KCNAB1: variants seen among roughly 807,000 people sequenced by gnomAD.
KCNAB1 encodes the protein potassium voltage-gated channel subfamily A regulatory beta subunit 1, also known as voltage-gated potassium channel subunit beta-1.
A neutral mutation model predicts 64.6 loss-of-function variants in KCNAB1; 35 were observed. The observed-to-expected ratio is 0.54, with a 90% confidence interval of 0.41 to 0.72. KCNAB1 has a LOEUF of 0.72. Ranked by LOEUF, KCNAB1 falls within the 30% of genes least tolerant of loss-of-function variation. The pLI is 0.00. For missense variants in KCNAB1, 401 were observed against 512.9 expected (o/e 0.78, Z 2.11); for synonymous variants, 177 against 183.8 (o/e 0.96, Z 0.30).
chr3:156,302,420 G>A (rs1189111233), intron 1 of KCNAB1, among the ~76,000 whole-genome samples: 1 of 152,098 alleles, frequency 6.6e-6, no homozygotes, highest in Non-Finnish European at 1.5e-5. Context: ...ATGGGAGAGG[G>A]GAGAGTTAAA....
At chr3:156,119,599 A>G (rs181406833), upstream of KCNAB1, among the ~76,000 whole-genome samples, 131 of 152,292 alleles carry the variant, frequency 8.6e-4, 1 homozygote, top group Non-Finnish European at 1.7e-3. Context: ...AGGCACTGAG[A>G]TAGTTGATCC....
chr3:156,340,623 C>T (rs997854780), intron 1 of KCNAB1, among the ~76,000 whole-genome samples: 1 of 152,186 alleles, frequency 6.6e-6, no homozygotes, highest in Non-Finnish European at 1.5e-5. Context: ...CCTTCCCTTT[C>T]CAGATGGTCT....
At chr3:156,296,143 T>C (rs554770841) in intron 1 of KCNAB1, among the ~76,000 whole-genome samples, 1 of 152,332 alleles carries the variant, frequency 6.6e-6, no homozygotes, top group South Asian at 2.1e-4. Context: ...CATGATAGAT[T>C]TACACATGAT....
chr3:156,239,026 TAAGAC>T (rs1397856535), intron 1 of KCNAB1, among the ~76,000 whole-genome samples: 1 of 152,182 alleles, frequency 6.6e-6, no homozygotes, highest in Non-Finnish European at 1.5e-5. Flanking sequence ...TACTCAGAGA[TAAGAC>T]AATTGAGAAA....
At chr3:156,322,986 CAAG>C (rs924002629) in intron 1 of KCNAB1, among the ~76,000 whole-genome samples, 1 of 152,132 alleles carries the variant, frequency 6.6e-6, no homozygotes, top group African/African-American at 2.4e-5. Context: ...ACCGATGTGC[CAAG>C]AAGAAGCTCA....
At chr3:156,204,242 A>C (rs549639391) in intron 1 of KCNAB1, among the ~76,000 whole-genome samples, 1 of 152,196 alleles carries the variant, frequency 6.6e-6, no homozygotes, top group African/African-American at 2.4e-5. Context: ...GGAGCCATGC[A>C]CTCCCAGGTG....
chr3:156,344,968 C>T (rs1277816893), intron 1 of KCNAB1, among the ~76,000 whole-genome samples: 1 of 152,188 alleles, frequency 6.6e-6, no homozygotes, highest in Admixed American at 6.6e-5. Context: ...CCTAAGCATT[C>T]TCCTCCCAAA....
intron 7 of KCNAB1, among the ~76,000 whole-genome samples, chr3:156,473,551 A>G (rs1714109342): frequency 6.6e-6 from 1 of 152,144 alleles, no homozygotes. Context: ...TAGACCTCAT[A>G]ACATCTGTCT....
intron 1 of KCNAB1, among the ~76,000 whole-genome samples, chr3:156,225,036 TAGAGAA>T (rs989054243): frequency 4.1e-4 from 63 of 152,096 alleles, no homozygotes; most frequent in Non-Finnish European, 5.0e-4. Context: ...TTCCAAAAGA[TAGAGAA>T]AGAGGAAATC....
intron 1 of KCNAB1, among the ~76,000 whole-genome samples, chr3:156,343,172 G>A (rs1468930661): frequency 1.3e-5 from 2 of 152,158 alleles, no homozygotes; most frequent in Non-Finnish European, 2.9e-5. Flanking sequence ...CAGCTTTGGA[G>A]TATTTTCTTC....
intron 8 of KCNAB1, among the ~76,000 whole-genome samples, chr3:156,495,465 A>T (rs1349535995): frequency 6.6e-6 from 1 of 152,180 alleles, no homozygotes; most frequent in Non-Finnish European, 1.5e-5. Context: ...AAAAGCAAAG[A>T]TGTTGAATCA....
intron 8 of KCNAB1, among the ~76,000 whole-genome samples, chr3:156,475,955 ATCCGG>A (rs1714306661): frequency 6.6e-6 from 1 of 152,178 alleles, no homozygotes; most frequent in Non-Finnish European, 1.5e-5. Flanking sequence ...TCTTTCTTGA[ATCCGG>A]GTAAAATTAG....
At chr3:156,314,041 T>G (rs2108012384) in intron 1 of KCNAB1, among the ~76,000 whole-genome samples, 1 of 152,382 alleles carries the variant, frequency 6.6e-6, no homozygotes, top group Non-Finnish European at 1.5e-5. Flanking sequence ...ACCTATTTTC[T>G]GCTAGGCATA....
intron 2 of KCNAB1, among the ~76,000 whole-genome samples, chr3:156,447,940 A>G (rs1216635523): frequency 6.6e-6 from 1 of 152,208 alleles, no homozygotes; most frequent in African/African-American, 2.4e-5. Context: ...AATGGTAAAC[A>G]TGTTTTTTGA....
chr3:156,531,434 G>T lies in KCNAB1; in HGVS notation c.1107G>T (p.Val369=). Residue 369 remains valine (V), a synonymous_variant, in exon 13 of 14, where the codon GTG becomes GTT. Coordinates refer to ENST00000490337, the MANE Select transcript of KCNAB1 (RefSeq NM_172160.3). ...CGTGGTGCCTGAGAAATGAAGGTGT[G>T]AGTTCTGTGCTCCTGGGATCATCCA... ...AVAWCLRNEG[V]SSVLLGSSTP... is the part of the protein sequence containing the mutation. 1 of 1,614,108 alleles carries T rather than the reference G, an allele frequency of 6.2e-7. No homozygotes were observed. Among genetic ancestry groups the T allele is most frequent in the Non-Finnish European group, 8.5e-7 (1 of 1,179,930 alleles).
At chr3:156,497,337 A>C (rs1172862307) in intron 8 of KCNAB1, among the ~76,000 whole-genome samples, 1 of 152,238 alleles carries the variant, frequency 6.6e-6, no homozygotes, top group Non-Finnish European at 1.5e-5. Flanking sequence ...GGAGCAATGA[A>C]GATTGCTTCC....
intron 1 of KCNAB1, among the ~76,000 whole-genome samples, chr3:156,272,325 C>T (rs961114879): frequency 1.3e-5 from 2 of 152,182 alleles, no homozygotes; most frequent in Non-Finnish European, 2.9e-5. Context: ...CAGGTGGGTC[C>T]AGAGATACTG....
At chr3:156,284,247 C>T (rs1029041414) in intron 1 of KCNAB1, among the ~76,000 whole-genome samples, 11 of 152,126 alleles carry the variant, frequency 7.2e-5, no homozygotes, top group African/African-American at 2.7e-4. Context: ...CAGTGTGCCC[C>T]TGCTGGGGGG....
intron 1 of KCNAB1, among the ~76,000 whole-genome samples, chr3:156,250,626 G>A (rs1717776348): frequency 1.3e-5 from 2 of 152,180 alleles, no homozygotes; most frequent in South Asian, 4.1e-4. Context: ...AGTTATCAGA[G>A]TTCCTGGGAG....
Sources: gnomAD v4.1 joint callset for allele counts (sites outside exome capture counted in the v4.1 genomes callset) on GRCh38, gnomAD v4.1.1 for gene constraint, MANE v1.5 for transcripts, NCBI Gene and HGNC (gene_info 2026-07-23, HGNC 2026-07-21) for gene names.